Variants in PID1 observed in about 807,000 individuals in gnomAD.
PID1 encodes phosphotyrosine interaction domain containing 1, also known as PTB-containing, cubilin and LRP1-interacting protein.
A neutral mutation model predicts 19.1 loss-of-function variants in PID1; 10 were observed. That is an observed-to-expected ratio of 0.52 (90% CI 0.32 to 0.89). The LOEUF (loss-of-function observed/expected upper bound fraction) is 0.89, where lower values mean the gene tolerates loss of function less well. PID1 is among the 40% of genes least tolerant of loss of function. PID1 has a pLI of 0.03. For synonymous variants in PID1, 130 were observed against 116.0 expected (o/e 1.12, Z -0.78); for missense variants, 248 against 285.3 (o/e 0.87, Z 0.94).
intron 2 of PID1, among the ~76,000 whole-genome samples, chr2:229,109,498 C>T (rs1193548568): frequency 2.6e-5 from 4 of 152,152 alleles, no homozygotes; most frequent in Non-Finnish European, 5.9e-5. Flanking sequence ...TGATTACCTC[C>T]CACCCACTGT....
At chr2:229,261,817 C>G (rs1218401279) in intron 1 of PID1, among the ~76,000 whole-genome samples, 1 of 152,004 alleles carries the variant, frequency 6.6e-6, no homozygotes, top group Non-Finnish European at 1.5e-5. Flanking sequence ...CTCAGAGGGA[C>G]TGGAAACATT....
chr2:229,105,704 A>T (rs1297002229), intron 2 of PID1, among the ~76,000 whole-genome samples: 1 of 152,218 alleles, frequency 6.6e-6, no homozygotes, highest in Non-Finnish European at 1.5e-5. Context: ...AAAGACTACT[A>T]TCCCAGTTAC....
intron 2 of PID1, among the ~76,000 whole-genome samples, chr2:229,151,634 G>A (rs551368521): frequency 2.7e-5 from 4 of 150,076 alleles, no homozygotes; most frequent in African/African-American, 7.4e-5. Context: ...GCAGTGGCAC[G>A]ATCTCGGCTC....
chr2:229,142,196 C>T (rs1263832704), intron 2 of PID1, among the ~76,000 whole-genome samples: 1 of 152,012 alleles, frequency 6.6e-6, no homozygotes, highest in Non-Finnish European at 1.5e-5. Flanking sequence ...GTACTGCTCC[C>T]ACAAAAAAGT....
At chr2:229,128,824 A>G (rs1689645820) in intron 2 of PID1, among the ~76,000 whole-genome samples, 1 of 152,336 alleles carries the variant, frequency 6.6e-6, no homozygotes, top group East Asian at 1.9e-4. Flanking sequence ...AAGACCCACA[A>G]TTTGATACCA....
intron 1 of PID1, among the ~76,000 whole-genome samples, chr2:229,195,309 C>G (rs1574711606): frequency 6.6e-6 from 1 of 151,626 alleles, no homozygotes; most frequent in Non-Finnish European, 1.5e-5. Context: ...TATGGTTTAT[C>G]CTTCATATAC....
intron 1 of PID1, among the ~76,000 whole-genome samples, chr2:229,157,089 G>A (rs567592884): frequency 9.9e-5 from 15 of 151,988 alleles, no homozygotes; most frequent in South Asian, 6.2e-4. Context: ...CTCATGCCTC[G>A]CTTCATGTGC....
chr2:229,257,203 G>A (rs1483443367), intron 1 of PID1, among the ~76,000 whole-genome samples: 1 of 152,196 alleles, frequency 6.6e-6, no homozygotes, highest in Non-Finnish European at 1.5e-5. Context: ...CCTGAGCAGG[G>A]TGAGCATGTG....
At chr2:229,270,963 C>T (rs1198667002) in intron 1 of PID1, 51 bp downstream of exon 1, 19 of 1,489,180 alleles carry the variant, frequency 1.3e-5, no homozygotes, top group Non-Finnish European at 1.7e-5. Flanking sequence ...GGTTCCTCTG[C>T]CCGGGCACCT....
chr2:229,039,748 C>T (rs539343745), intron 2 of PID1, among the ~76,000 whole-genome samples: 64 of 152,224 alleles, frequency 4.2e-4, no homozygotes, highest in African/African-American at 1.5e-3. Context: ...ATGTATGGCC[C>T]ATGTTCTGTT....
At chr2:229,181,528 A>G (rs17676400) in intron 1 of PID1, among the ~76,000 whole-genome samples, 16,387 of 152,238 alleles carry the variant, frequency 0.11, 1,151 homozygotes, top group East Asian at 0.41. Context: ...ATTCACTACC[A>G]CCTTATACAT....
intron 2 of PID1, among the ~76,000 whole-genome samples, chr2:229,032,358 G>T (rs185672197): frequency 6.6e-6 from 1 of 152,302 alleles, no homozygotes; most frequent in Non-Finnish European, 1.5e-5. Context: ...GCTTCTGGAG[G>T]TTCCGCAACT....
intron 2 of PID1, among the ~76,000 whole-genome samples, chr2:229,065,712 C>CAAAAAAAAAAAA (rs71988256): frequency 1.1e-4 from 11 of 103,954 alleles, no homozygotes; most frequent in South Asian, 3.4e-4. Context: ...TTGTGATTTA[C>CAAAAAAAAAAAA]AAAAAAAAAA....
intron 1 of PID1, among the ~76,000 whole-genome samples, chr2:229,199,417 TCA>T (rs2106238777): frequency 6.6e-6 from 1 of 152,174 alleles, no homozygotes; most frequent in South Asian, 2.1e-4. Context: ...AAGAACTCTC[TCA>T]TTCTCCACCA....
chr2:229,219,962 C>T (rs1691930229), intron 1 of PID1, among the ~76,000 whole-genome samples: 1 of 151,958 alleles, frequency 6.6e-6, no homozygotes, highest in African/African-American at 2.4e-5. Flanking sequence ...CTGAGCTAAG[C>T]ACTGTATATA....
At chr2:229,054,980 G>T (rs1410040324) in intron 2 of PID1, among the ~76,000 whole-genome samples, 1 of 152,184 alleles carries the variant, frequency 6.6e-6, no homozygotes, top group African/African-American at 2.4e-5. Context: ...TCATGGTGCA[G>T]ACATGAGTAC....
rs750369782 is a variant in PID1 at position 229,025,979 on chromosome 2, G to C, written c.307C>G (p.Leu103Val). ...REDVFPANAL[L>V]EIRPFQVWLH... is the part of the protein sequence containing the mutation. ...CAAACTTGGAATGGCCGGATTTCCA[G>C]GAGGGCATTGGCCGGAAAGACATCC... The change falls in exon 3 of 3, where the codon CTG becomes GTG. Residue 103 changes from leucine (L) to valine (V), a missense_variant. Leu to Val is a conservative substitution (Grantham distance 32, BLOSUM62 1). Transcript: ENST00000392055. 1 of 1,614,088 alleles carries C rather than the reference G, an allele frequency of 6.2e-7. No individual in the cohort carries two copies. Among genetic ancestry groups the C allele is most frequent in the African/African-American group, 1.3e-5 (1 of 74,952 alleles).
intron 1 of PID1, among the ~76,000 whole-genome samples, chr2:229,213,383 T>C (rs1158353590): frequency 6.6e-6 from 1 of 152,198 alleles, no homozygotes; most frequent in Non-Finnish European, 1.5e-5. Flanking sequence ...CAAGGATGCA[T>C]CTGTCTACAT....
chr2:229,028,868 C>T (rs1693483188), intron 2 of PID1, among the ~76,000 whole-genome samples: 1 of 152,192 alleles, frequency 6.6e-6, no homozygotes, highest in Non-Finnish European at 1.5e-5. Flanking sequence ...CCCTAGCCAT[C>T]ATCCTATTAT....
Sources: allele counts gnomAD v4.1 joint callset (sites outside exome capture counted in the v4.1 genomes callset), GRCh38; gene constraint gnomAD v4.1.1; transcripts MANE v1.5; gene names NCBI Gene and HGNC (gene_info 2026-07-23, HGNC 2026-07-21).